The following SUMF1 variants were observed in gnomAD, a reference collection of about 807,000 sequenced individuals.
SUMF1 encodes sulfatase modifying factor 1.
A neutral mutation model predicts 47.6 loss-of-function variants in SUMF1; 48 were observed. The ratio of observed to expected loss-of-function variants is 1.01; its 90% CI spans 0.80 to 1.28. SUMF1 has a LOEUF of 1.28. Ranked by LOEUF, SUMF1 falls within the 50% of genes most tolerant of loss-of-function variation. SUMF1 has a pLI of 0.00. For missense variants in SUMF1, 571 were observed against 485.4 expected (o/e 1.18, Z -1.66); for synonymous variants, 230 against 192.1 (o/e 1.20, Z -1.63).
In SUMF1 at chr3:4,250,355, G is replaced by C. The variant is rs548904447; in HGVS notation, c.1014+125975C>G. Among the ~76,000 whole-genome samples the C allele has an allele frequency of 2.0e-5, 3 of 151,936 alleles. No individual in the cohort carries two copies. In the East Asian group the frequency reaches 5.8e-4, roughly 29 times the overall value. On this transcript the variant is annotated intron_variant and NMD_transcript_variant, in intron 8 of 12. Transcript: ENST00000448413. ...GGGAAGGAAGGGAAGGGAAAGAAAG[G>C]AAAGAAAGTAATCTAGCAGACGTTG...
chr3:4,447,590 G>A (rs1235863414), intron 3 of SUMF1, among the ~76,000 whole-genome samples: 1 of 152,002 alleles, frequency 6.6e-6, no homozygotes. Flanking sequence ...AAAAAAAAAG[G>A]TCTGGTGCAG....
chr3:4,182,478 A>G (rs1008419913), intron 8 of SUMF1, among the ~76,000 whole-genome samples: 1 of 151,532 alleles, frequency 6.6e-6, no homozygotes, highest in East Asian at 1.9e-4. Flanking sequence ...TAAGGAAAAA[A>G]GAAACTTGTA....
intron 8 of SUMF1, among the ~76,000 whole-genome samples, chr3:4,073,646 C>T (rs765847879): frequency 4.6e-5 from 7 of 152,066 alleles, no homozygotes; most frequent in Non-Finnish European, 1.0e-4. Context: ...GGAAGATCTA[C>T]CAAGCAAATG....
chr3:4,136,670 C>T (rs2125092308), intron 8 of SUMF1, among the ~76,000 whole-genome samples: 1 of 150,218 alleles, frequency 6.7e-6, no homozygotes, highest in South Asian at 2.1e-4. Flanking sequence ...AAACTACCAT[C>T]AGAGTGAACA....
At chr3:4,207,448 C>A (rs189759175) in intron 8 of SUMF1, among the ~76,000 whole-genome samples, 59 of 152,154 alleles carry the variant, frequency 3.9e-4, no homozygotes, top group African/African-American at 1.3e-3. Flanking sequence ...TAATATTAAC[C>A]ATGAAATTAC....
rs79278874 is a variant in SUMF1 at position 4,138,702 on chromosome 3, T to C, written c.1015-69957A>G. On this transcript the variant is annotated intron_variant and NMD_transcript_variant, in intron 8 of 12. Coordinates refer to the SUMF1 transcript ENST00000448413. ...TATAAGTTTCCTATTTGGGCCCCTTTCAGACTTCACTTTATGCAACTTTTC... is the reference window on the plus strand; with the variant it reads ...TATAAGTTTCCTATTTGGGCCCCTTCCAGACTTCACTTTATGCAACTTTTC... Among the ~76,000 whole-genome samples, 27 of 152,212 alleles carry C rather than the reference T, an allele frequency of 1.8e-4. No homozygotes were observed. In the East Asian group the frequency reaches 5.0e-3, roughly 28 times the overall value.
intron 8 of SUMF1, among the ~76,000 whole-genome samples, chr3:4,183,958 G>A (rs143541752): frequency 6.8e-4 from 104 of 151,972 alleles, no homozygotes; most frequent in African/African-American, 2.3e-3. Flanking sequence ...GTGAAATCCC[G>A]TCTCTACTTT....
chr3:4,343,359 C>G (rs794201), intron 8 of SUMF1, among the ~76,000 whole-genome samples: 118,844 of 152,196 alleles, frequency 0.78, 46,930 homozygotes, highest in African/African-American at 0.9. Flanking sequence ...GGCAATTACA[C>G]ACAGTTAAGA....
At chr3:4,343,201 G>A (rs1167371454) in intron 8 of SUMF1, among the ~76,000 whole-genome samples, 1 of 152,194 alleles carries the variant, frequency 6.6e-6, no homozygotes, top group Non-Finnish European at 1.5e-5. Context: ...TAATACATAA[G>A]GTCCTTGGCC....
At chr3:4,343,795 C>T (rs569967685) in intron 8 of SUMF1, among the ~76,000 whole-genome samples, 1 of 152,270 alleles carries the variant, frequency 6.6e-6, no homozygotes, top group East Asian at 1.9e-4. Flanking sequence ...AGCAGCTAGA[C>T]TCCCAGGAAT....
At chr3:4,402,201 A>C (rs1360649853) in intron 7 of SUMF1, among the ~76,000 whole-genome samples, 1 of 151,924 alleles carries the variant, frequency 6.6e-6, no homozygotes, top group East Asian at 1.9e-4. Context: ...GAAAGAAGAA[A>C]ATCCTTTCAC....
chr3:4,143,911 T>G (rs991267610), intron 8 of SUMF1, among the ~76,000 whole-genome samples: 1 of 151,852 alleles, frequency 6.6e-6, no homozygotes, highest in African/African-American at 2.4e-5. Context: ...GCCACGGTGA[T>G]ATGTACGCAT....
At chr3:4,438,521 A>T (rs1024775969) in intron 3 of SUMF1, among the ~76,000 whole-genome samples, 16 of 152,230 alleles carry the variant, frequency 1.1e-4, no homozygotes, top group Non-Finnish European at 1.6e-4. Context: ...ACCTGCCTTC[A>T]GCAAGAATCC....
intron 8 of SUMF1, among the ~76,000 whole-genome samples, chr3:4,138,558 T>C (rs1369573876): frequency 6.6e-6 from 1 of 152,090 alleles, no homozygotes; most frequent in Non-Finnish European, 1.5e-5. Flanking sequence ...CTAAAAACTC[T>C]GAAAACCAAA....
intron 8 of SUMF1, among the ~76,000 whole-genome samples, chr3:4,083,708 T>C (rs914285933): frequency 1.3e-5 from 2 of 152,130 alleles, no homozygotes; most frequent in African/African-American, 4.8e-5. Context: ...TATTAGACAC[T>C]GTACAAAGAT....
intron 8 of SUMF1, among the ~76,000 whole-genome samples, chr3:4,329,192 C>A (rs1046326600): frequency 6.6e-6 from 1 of 152,168 alleles, no homozygotes; most frequent in Non-Finnish European, 1.5e-5. Context: ...GGTGGATCTA[C>A]CATTCTGGGG....
chr3:4,168,607 T>C (rs1447511884), intron 8 of SUMF1, among the ~76,000 whole-genome samples: 1 of 152,212 alleles, frequency 6.6e-6, no homozygotes, highest in Non-Finnish European at 1.5e-5. Flanking sequence ...TGTGTACATA[T>C]TACATTTCAA....
chr3:4,309,073 A>C (rs1195599509), intron 8 of SUMF1, among the ~76,000 whole-genome samples: 2 of 152,246 alleles, frequency 1.3e-5, no homozygotes, highest in African/African-American at 4.8e-5. Flanking sequence ...GTTTCTGATT[A>C]ACAGTTTGCT....
intron 8 of SUMF1, among the ~76,000 whole-genome samples, chr3:4,199,171 G>A (rs901457870): frequency 2.6e-5 from 4 of 152,048 alleles, no homozygotes; most frequent in Non-Finnish European, 5.9e-5. Context: ...CCTACTCACA[G>A]CTCCACAGAA....
Sources: gnomAD v4.1 joint callset for allele counts (sites outside exome capture counted in the v4.1 genomes callset) on GRCh38, gnomAD v4.1.1 for gene constraint, MANE v1.5 for transcripts, NCBI Gene and HGNC (gene_info 2026-07-23, HGNC 2026-07-21) for gene names.